Variants in CTNNA2 observed in about 807,000 individuals in gnomAD.
The protein encoded by CTNNA2 is catenin alpha-2.
Under a neutral mutation model 101.0 loss-of-function variants are expected in CTNNA2, and 42 were observed. That is an observed-to-expected ratio of 0.42 (90% CI 0.32 to 0.54). CTNNA2 has a LOEUF of 0.54. Ranked by LOEUF, CTNNA2 falls within the 20% of genes least tolerant of loss-of-function variation. The pLI is 0.14. For synonymous variants in CTNNA2, 450 were observed against 456.4 expected, an observed-to-expected ratio of 0.99 and a Z score of 0.18; for missense variants, 871 against 1,223.1, an observed-to-expected ratio of 0.71 and a Z score of 4.29.
In CTNNA2 at chr2:79,476,188, T is replaced by C. The variant is rs932768393; in HGVS notation, c.-134-28866T>C. Among the ~76,000 whole-genome samples, 4 of 152,232 alleles carry C rather than the reference T, an allele frequency of 2.6e-5. No homozygotes were observed. The South Asian group carries it at 6.2e-4, about 24-fold the overall frequency. On this transcript the variant is annotated intron_variant, in intron 4 of 21. Coordinates refer to the CTNNA2 transcript ENST00000466387. ...TGTGAAGTGGAGATGGCAGGAGTTATCACACAGGGCACCAGGAATCTCAGC... is the reference window on the plus strand; with the variant it reads ...TGTGAAGTGGAGATGGCAGGAGTTACCACACAGGGCACCAGGAATCTCAGC...
intron 7 of CTNNA2, among the ~76,000 whole-genome samples, chr2:80,180,652 G>A (rs1705721396): frequency 1.3e-5 from 2 of 152,164 alleles, no homozygotes; most frequent in African/African-American, 4.8e-5. Flanking sequence ...GCCCTTCAAG[G>A]ATGCAGGTCC....
At chr2:80,350,414 G>T (rs1003983362) in intron 7 of CTNNA2, among the ~76,000 whole-genome samples, 2 of 152,114 alleles carry the variant, frequency 1.3e-5, no homozygotes, top group Non-Finnish European at 2.9e-5. Context: ...CATTTGTTCA[G>T]ATTTCTTATG....
intron 17 of CTNNA2, among the ~76,000 whole-genome samples, chr2:80,615,941 A>G (rs1698816570): frequency 6.6e-6 from 1 of 151,844 alleles, no homozygotes; most frequent in South Asian, 2.1e-4. Flanking sequence ...CTATAAATAT[A>G]TCTCAAATAC....
intron 7 of CTNNA2, among the ~76,000 whole-genome samples, chr2:80,096,682 G>A (rs1700174275): frequency 6.6e-6 from 1 of 152,150 alleles, no homozygotes; most frequent in Admixed American, 6.5e-5. Context: ...TTATGAATCT[G>A]GGTGCTCTTG....
intron 2 of CTNNA2, among the ~76,000 whole-genome samples, chr2:79,245,020 G>A (rs1383077290): frequency 1.3e-5 from 2 of 151,900 alleles, no homozygotes; most frequent in Admixed American, 6.6e-5. Flanking sequence ...GCTTGAACTC[G>A]GGAGGCGGAG....
chr2:80,505,124 A>G (rs542608909), intron 9 of CTNNA2, among the ~76,000 whole-genome samples: 2 of 152,278 alleles, frequency 1.3e-5, no homozygotes, highest in Admixed American at 1.3e-4. Context: ...CACATTGGAG[A>G]ATAAGAATGA....
intron 13 of CTNNA2, among the ~76,000 whole-genome samples, chr2:80,574,701 A>G (rs1694888655): frequency 6.6e-6 from 1 of 152,188 alleles, no homozygotes; most frequent in Admixed American, 6.6e-5. Context: ...ATAACACATA[A>G]TAGTAACAGT....
chr2:79,498,504 T>C (rs1357962039), intron 4 of CTNNA2, among the ~76,000 whole-genome samples: 1 of 152,210 alleles, frequency 6.6e-6, no homozygotes, highest in Non-Finnish European at 1.5e-5. Context: ...ATTCTGATCA[T>C]TTCATTTTCT....
intron 7 of CTNNA2, among the ~76,000 whole-genome samples, chr2:80,088,944 T>G (rs1699609330): frequency 6.6e-6 from 1 of 151,996 alleles, no homozygotes; most frequent in Non-Finnish European, 1.5e-5. Context: ...CTTGGAAATT[T>G]ATAATAGACA....
intron 4 of CTNNA2, among the ~76,000 whole-genome samples, chr2:79,374,372 C>A (rs1001590707): frequency 6.6e-6 from 1 of 152,130 alleles, no homozygotes; most frequent in South Asian, 2.1e-4. Flanking sequence ...AATAATGGGG[C>A]GACTTCATAC....
intron 3 of CTNNA2, among the ~76,000 whole-genome samples, chr2:79,806,117 A>G (rs1676552558): frequency 6.6e-6 from 1 of 152,160 alleles, no homozygotes; most frequent in African/African-American, 2.4e-5. Context: ...ATTCCTCACT[A>G]CTACTATAGA....
chr2:79,491,512 CT>C (rs1320331209), intron 4 of CTNNA2, among the ~76,000 whole-genome samples: 3 of 152,150 alleles, frequency 2.0e-5, no homozygotes, highest in African/African-American at 7.2e-5. Flanking sequence ...GGATTTATTA[CT>C]GGGAATTGGG....
chr2:79,431,624 G>A (rs1387790497), intron 4 of CTNNA2, among the ~76,000 whole-genome samples: 3 of 152,100 alleles, frequency 2.0e-5, no homozygotes, highest in Non-Finnish European at 4.4e-5. Context: ...CCTCCTGCAA[G>A]GAAGGACAGG....
chr2:80,490,271 T>TCCCCCC (rs1185906142), intron 9 of CTNNA2, among the ~76,000 whole-genome samples: 16 of 51,886 alleles, frequency 3.1e-4, no homozygotes, highest in Non-Finnish European at 3.3e-4. Context: ...TTTTTTTCCT[T>TCCCCCC]CCCCCCCCAC....
chr2:79,659,108 A>T (rs1351642593), intron 2 of CTNNA2, among the ~76,000 whole-genome samples: 1 of 151,958 alleles, frequency 6.6e-6, no homozygotes, highest in East Asian at 1.9e-4. Context: ...AAAATCAGGG[A>T]AACAGGAGGT....
intron 12 of CTNNA2, among the ~76,000 whole-genome samples, chr2:80,566,170 T>G (rs1416129351): frequency 6.6e-6 from 1 of 152,230 alleles, no homozygotes; most frequent in Non-Finnish European, 1.5e-5. Flanking sequence ...AAATTTAACT[T>G]GCCACGTGGG....
chr2:79,293,349 G>A (rs945938253), intron 2 of CTNNA2: 6 of 152,138 alleles, frequency 3.9e-5, no homozygotes, highest in African/African-American at 1.4e-4. Flanking sequence ...TAAACTGGCT[G>A]CTTAGTTTCT....
In CTNNA2 at chr2:80,507,815, G is replaced by A. The variant is rs1004182993; in HGVS notation, c.1291-37167G>A. Among the ~76,000 whole-genome samples, 4 of 152,208 alleles carry A rather than the reference G, an allele frequency of 2.6e-5. No individual in the cohort carries two copies. The East Asian group carries it at 5.8e-4, about 22-fold the overall frequency. On this transcript the variant is annotated intron_variant, in intron 9 of 18. Coordinates refer to ENST00000402739, the MANE Select transcript of CTNNA2 (RefSeq NM_001282597.3). ...ATCCACTGAGTGCTTCCATCTTTGG[G>A]CTAAGGGTTATGAAGATGGAAACAA...
At chr2:80,064,235 G>T (rs1439268172) in intron 7 of CTNNA2, among the ~76,000 whole-genome samples, 2 of 152,208 alleles carry the variant, frequency 1.3e-5, no homozygotes, top group African/African-American at 2.4e-5. Flanking sequence ...GTGCAGAATA[G>T]TCATGTGGTA....
Sources: allele counts gnomAD v4.1 joint callset (sites outside exome capture counted in the v4.1 genomes callset), GRCh38; gene constraint gnomAD v4.1.1; transcripts MANE v1.5; gene names NCBI Gene and HGNC (gene_info 2026-07-23, HGNC 2026-07-21).